NALF1: variants seen among roughly 807,000 people sequenced by gnomAD.
NALF1 encodes the protein family with sequence similarity 155 member A.
In NALF1, 3 loss-of-function variants were observed where a neutral mutation model predicts 48.4. The observed-to-expected ratio is 0.06, with a 90% confidence interval of 0.03 to 0.16. NALF1 has a LOEUF of 0.16. Among genes scored for constraint, NALF1 ranks in the 10% least tolerant of loss-of-function variants. The probability of loss-of-function intolerance (pLI) is 1.00; values close to 1 mark genes in which losing one functional copy is unlikely to be tolerated. For missense variants in NALF1, 526 were observed against 571.5 expected, an observed-to-expected ratio of 0.92 and a Z score of 0.81; for synonymous variants, 262 against 245.7, an observed-to-expected ratio of 1.07 and a Z score of -0.62.
At chr13:107,513,128 G>C (rs536635023) in intron 1 of NALF1, among the ~76,000 whole-genome samples, 2 of 152,206 alleles carry the variant, frequency 1.3e-5, no homozygotes, top group Admixed American at 1.3e-4. Context: ...ATAAGGATTC[G>C]AAAATAAGAC....
chr13:107,725,255 A>G (rs1876114582), intron 1 of NALF1, among the ~76,000 whole-genome samples: 2 of 152,346 alleles, frequency 1.3e-5, no homozygotes, highest in South Asian at 4.1e-4. Flanking sequence ...TCAATTTTAT[A>G]AACACATTAG....
At chr13:107,275,752 A>G (rs957928580) in intron 1 of NALF1, among the ~76,000 whole-genome samples, 2 of 152,150 alleles carry the variant, frequency 1.3e-5, no homozygotes, top group African/African-American at 2.4e-5. Context: ...TTTAAAAATT[A>G]TATTTGTTTA....
intron 1 of NALF1, among the ~76,000 whole-genome samples, chr13:107,706,979 G>A (rs3928887): frequency 0.78 from 103,101 of 132,170 alleles, 40,839 homozygotes; most frequent in Middle Eastern, 0.87. Context: ...CTGGAGTGCA[G>A]TGGCGTGATC....
chr13:107,862,935 A>C (rs1880614496), intron 1 of NALF1, among the ~76,000 whole-genome samples: 1 of 151,818 alleles, frequency 6.6e-6, no homozygotes, highest in Admixed American at 6.6e-5. Context: ...GAGTATAATA[A>C]AGTTAATATA....
chr13:107,381,861 T>C (rs1434114853), intron 1 of NALF1, among the ~76,000 whole-genome samples: 4 of 152,140 alleles, frequency 2.6e-5, no homozygotes. Context: ...TCTCTCCCAT[T>C]GCCTCTCTTT....
At chr13:107,638,299 G>A (rs1880047449) in intron 1 of NALF1, among the ~76,000 whole-genome samples, 2 of 150,712 alleles carry the variant, frequency 1.3e-5, no homozygotes, top group Admixed American at 6.7e-5. Flanking sequence ...ATTTCCAGGA[G>A]TAGATTATTT....
chr13:107,641,719 G>T (rs1480729672), intron 1 of NALF1, among the ~76,000 whole-genome samples: 1 of 152,128 alleles, frequency 6.6e-6, no homozygotes, highest in Non-Finnish European at 1.5e-5. Context: ...AATTTGACAG[G>T]TTCCTGGATG....
At position 107,610,178 on chromosome 13, in the gene NALF1, C is replaced by G. The variant is rs772354423; in HGVS notation, c.915+255504G>C. On this transcript the variant is annotated intron_variant, in intron 1 of 2. Coordinates refer to ENST00000375915, the MANE Select transcript of NALF1 (RefSeq NM_001080396.3). Reference sequence around the variant, plus strand: ...ACTAGGGAAGAGGAAACTGGTACAGCTACTTTGACAAGCACCTGGGCAGTA... The same window carrying G: ...ACTAGGGAAGAGGAAACTGGTACAGGTACTTTGACAAGCACCTGGGCAGTA... Among the ~76,000 whole-genome samples the G allele has an allele frequency of 5.3e-5, 8 of 152,278 alleles. No homozygotes were observed. In the East Asian group the frequency reaches 1.2e-3, roughly 22 times the overall value.
At chr13:107,574,406 C>G (rs1401593226) in intron 1 of NALF1, among the ~76,000 whole-genome samples, 1 of 152,178 alleles carries the variant, frequency 6.6e-6, no homozygotes, top group Non-Finnish European at 1.5e-5. Context: ...CAAACCCCAA[C>G]TAGACTACAA....
chr13:107,581,075 AT>A (rs1337787972), intron 1 of NALF1, among the ~76,000 whole-genome samples: 3 of 152,110 alleles, frequency 2.0e-5, no homozygotes, highest in Non-Finnish European at 4.4e-5. Context: ...CTAGGAAATG[AT>A]TTTTTCAAGA....
intron 1 of NALF1, among the ~76,000 whole-genome samples, chr13:107,344,898 T>C (rs750954598): frequency 6.6e-6 from 1 of 152,110 alleles, no homozygotes; most frequent in Non-Finnish European, 1.5e-5. Context: ...TTATCTCTTT[T>C]CACAGATGAG....
chr13:107,648,237 T>C (rs1414519907), intron 1 of NALF1, among the ~76,000 whole-genome samples: 1 of 152,162 alleles, frequency 6.6e-6, no homozygotes, highest in Admixed American at 6.6e-5. Context: ...CATTGTGCAG[T>C]TCTATGGGTT....
chr13:107,503,186 C>T (rs1388261666), intron 1 of NALF1, among the ~76,000 whole-genome samples: 1 of 152,180 alleles, frequency 6.6e-6, no homozygotes, highest in Non-Finnish European at 1.5e-5. Context: ...TTCTTTAAGG[C>T]ATTTGAAACT....
intron 1 of NALF1, among the ~76,000 whole-genome samples, chr13:107,317,749 C>T (rs1169242871): frequency 6.6e-6 from 1 of 151,590 alleles, no homozygotes; most frequent in Non-Finnish European, 1.5e-5. Context: ...ATATCCACAC[C>T]ACAAAGACAA....
Position 107,472,768 on chromosome 13 carries a change from T to G in NALF1, c.916-262013A>C, listed in dbSNP as rs369932790. ...CACTACTTCCTGACTTTTGAGGTTT[T>G]GGGACTGGGACTGGCTTCCTGGCTC... On this transcript the variant is annotated intron_variant, in intron 1 of 2. Transcript: ENST00000375915. 1.5e-3 allele frequency among the ~76,000 whole-genome samples: 225 copies of G among 152,290 alleles called. 1 individual carries two copies. Among genetic ancestry groups the G allele is most frequent in the African/African-American group, 5.1e-3 (214 of 41,566 alleles).
chr13:107,825,881 A>G (rs2138621798), intron 1 of NALF1, among the ~76,000 whole-genome samples: 1 of 152,298 alleles, frequency 6.6e-6, no homozygotes, highest in Admixed American at 6.5e-5. Context: ...CCTGGGTTCA[A>G]GTGATTCTCC....
intron 1 of NALF1, among the ~76,000 whole-genome samples, chr13:107,324,006 G>A (rs1290473978): frequency 6.6e-6 from 1 of 152,156 alleles, no homozygotes; most frequent in East Asian, 1.9e-4. Flanking sequence ...CTATTCAGGA[G>A]GCTGAGGCAG....
chr13:107,221,795 C>T (rs563517460), intron 1 of NALF1, among the ~76,000 whole-genome samples: 74 of 152,226 alleles, frequency 4.9e-4, no homozygotes, highest in African/African-American at 1.6e-3. Flanking sequence ...CTACACCCCG[C>T]CACCCCACAT....
intron 1 of NALF1, among the ~76,000 whole-genome samples, chr13:107,257,716 T>A (rs754822573): frequency 6.6e-6 from 1 of 152,096 alleles, no homozygotes; most frequent in East Asian, 1.9e-4. Context: ...GAGCAAACCA[T>A]TGCCTGTGAG....
Sources: gnomAD v4.1 joint callset for allele counts (sites outside exome capture counted in the v4.1 genomes callset) on GRCh38, gnomAD v4.1.1 for gene constraint, MANE v1.5 for transcripts, NCBI Gene and HGNC (gene_info 2026-07-23, HGNC 2026-07-21) for gene names.